The following FNIP2 variants were observed in gnomAD, a reference collection of about 807,000 sequenced individuals.
The protein encoded by FNIP2 is folliculin interacting protein 2.
Under a neutral mutation model 108.7 loss-of-function variants are expected in FNIP2, and 32 were observed. The ratio of observed to expected loss-of-function variants is 0.29; its 90% CI spans 0.22 to 0.40. The LOEUF (loss-of-function observed/expected upper bound fraction) is 0.40. FNIP2 is among the 10% of genes least tolerant of loss of function. The pLI is 1.00. For missense variants in FNIP2, 1,202 were observed against 1,381.6 expected, an observed-to-expected ratio of 0.87 and a Z score of 2.06; for synonymous variants, 480 against 496.7, an observed-to-expected ratio of 0.97 and a Z score of 0.45.
chr4:158,860,938 G>A (rs1173810238), intron 10 of FNIP2, among the ~76,000 whole-genome samples: 1 of 152,010 alleles, frequency 6.6e-6, no homozygotes, highest in Non-Finnish European at 1.5e-5. Flanking sequence ...ACAGGTATGA[G>A]CCACCACGCC....
intron 7 of FNIP2, among the ~76,000 whole-genome samples, chr4:158,849,300 G>A (rs997751149): frequency 6.6e-6 from 1 of 152,272 alleles, no homozygotes; most frequent in Admixed American, 6.5e-5. Flanking sequence ...AGGAGGGGGA[G>A]CAGGAGAAAG....
At chr4:158,860,654 C>CTTTTTTTT (rs34208761) in intron 10 of FNIP2, among the ~76,000 whole-genome samples, 4 of 121,104 alleles carry the variant, frequency 3.3e-5, no homozygotes, top group Non-Finnish European at 5.1e-5. Flanking sequence ...CTGGGTCCCA[C>CTTTTTTTT]TTTTTTTTTT....
chr4:158,803,444 A>T (rs1776829780), intron 1 of FNIP2, among the ~76,000 whole-genome samples: 1 of 152,228 alleles, frequency 6.6e-6, no homozygotes, highest in African/African-American at 2.4e-5. Context: ...AGCATAAAAG[A>T]TCTACACATA....
chr4:158,891,337 T>G, intron 14 of FNIP2, 109 bp from the exon 15 acceptor site: 1 of 1,005,854 alleles, frequency 9.9e-7, no homozygotes. Flanking sequence ...TATCCATAAC[T>G]GCCTGGCTGT....
chr4:158,770,796 CA>C (rs1775672891), intron 1 of FNIP2, among the ~76,000 whole-genome samples: 1 of 152,140 alleles, frequency 6.6e-6, no homozygotes, highest in African/African-American at 2.4e-5. Flanking sequence ...ATCAGGGGTA[CA>C]AAGCCTGGAG....
chr4:158,783,613 CT>C (rs1776122989), intron 1 of FNIP2, among the ~76,000 whole-genome samples: 4 of 152,188 alleles, frequency 2.6e-5, no homozygotes, highest in Admixed American at 2.6e-4. Context: ...ATCTTTTTTT[CT>C]TTTTTGCTTG....
In FNIP2 at chr4:158,772,758, G is replaced by A. The variant is rs1019308079; in HGVS notation, c.107+3439G>A. On this transcript the variant is annotated intron_variant, in intron 1 of 16. Coordinates refer to ENST00000264433, the MANE Select transcript of FNIP2 (RefSeq NM_020840.3). Reference sequence around the variant, plus strand: ...GATGCCTCTGTGCTTGTGGCTTGGCGCTCTACCTGTATAAATCCAGGCAGG... The same window carrying A: ...GATGCCTCTGTGCTTGTGGCTTGGCACTCTACCTGTATAAATCCAGGCAGG... Among the ~76,000 whole-genome samples the A allele has an allele frequency of 3.9e-5, 6 of 152,128 alleles. No homozygotes were observed. The East Asian group carries it at 1.2e-3, about 29-fold the overall frequency.
chr4:158,891,389 T>C, intron 14 of FNIP2, 57 bp from the exon 15 acceptor site: 2 of 1,491,752 alleles, frequency 1.3e-6, no homozygotes, highest in Non-Finnish European at 1.8e-6. Context: ...TAGTGAAACT[T>C]TGACCTTTTG....
rs1396868720 is a variant in FNIP2, at chr4:158,868,110, T to C, written c.1474T>C (p.Tyr492His). ...NPLWAQLGDLYGAIGSPVRLT... is the reference protein window; with the variant it reads ...NPLWAQLGDLHGAIGSPVRLT... The stretch of plus-strand genomic sequence containing the variant: ...CCACCTTTGCTCTCTAGGTGATCTT[T>C]ACGGAGCCATAGGCTCTCCAGTGAG... The change falls in exon 13 of 17, where the codon TAC becomes CAC. Residue 492 changes from tyrosine to histidine, a missense_variant. Tyr to His is a moderately conservative substitution (Grantham distance 83). Coordinates refer to ENST00000264433, the MANE Select transcript of FNIP2 (RefSeq NM_020840.3). The surrounding 1 kb of genome is among the most constrained non-coding windows in gnomAD (Gnocchi z 4.6). 6.2e-7 allele frequency: 1 copy of C among 1,613,724 alleles called. No homozygotes were observed. Among genetic ancestry groups the C allele is most frequent in the Admixed American group, 1.7e-5 (1 of 60,024 alleles).
intron 8 of FNIP2, among the ~76,000 whole-genome samples, chr4:158,855,402 G>A (rs1424577283): frequency 2.0e-5 from 3 of 152,110 alleles, no homozygotes; most frequent in Non-Finnish European, 4.4e-5. Flanking sequence ...GCTGAACACC[G>A]AGAACATGAG....
chr4:158,854,748 A>G (rs1449875411), intron 8 of FNIP2, among the ~76,000 whole-genome samples: 1 of 152,212 alleles, frequency 6.6e-6, no homozygotes, highest in Non-Finnish European at 1.5e-5. Flanking sequence ...AATATGATCT[A>G]ATGGTAATAG....
rs1775727575 is a variant in FNIP2, at chr4:158,772,464, G to A, written c.107+3145G>A. 2.6e-5 allele frequency among the ~76,000 whole-genome samples: 4 copies of A among 152,260 alleles called. No homozygotes were observed. In the South Asian group the frequency reaches 8.3e-4, roughly 32 times the overall value. ...TTCAAACCCCTAAAATGTGTATTTA[G>A]CAGGGAGGTGAAAAGACCTTGGGCT... On this transcript the variant is annotated intron_variant, in intron 1 of 16. Transcript: ENST00000264433.
At chr4:158,809,381 C>G (rs1777146872) in intron 1 of FNIP2, among the ~76,000 whole-genome samples, 2 of 152,206 alleles carry the variant, frequency 1.3e-5, no homozygotes, top group Non-Finnish European at 2.9e-5. Flanking sequence ...ATCACTTGAA[C>G]CTGGGATGCA....
At chr4:158,806,962 G>T (rs973813107) in intron 1 of FNIP2, among the ~76,000 whole-genome samples, 1 of 152,082 alleles carries the variant, frequency 6.6e-6, no homozygotes, top group South Asian at 2.1e-4. Context: ...TGTCTAAAAA[G>T]AATAGCATAC....
Position 158,906,096 on chromosome 4 carries a change from G to A in FNIP2, c.*1552G>A, listed in dbSNP as rs1231746091. On this transcript the variant is annotated 3_prime_UTR_variant, in exon 17 of 17. Transcript: ENST00000264433. ...TTTTGTAAGATCTTTATCATTTTAT[G>A]TCATTCATTGAAAATTGAAATGTTC... 2.0e-5 allele frequency: 3 copies of A among 152,126 alleles called. No individual in the cohort carries two copies. The highest frequency in any genetic ancestry group is 4.8e-5 in the African/African-American group (2 of 41,430). 9.4% of individuals were successfully genotyped at this position (152,126 alleles called of 1,614,324 possible). A position where few individuals can be genotyped will look rare whatever the true frequency, so the allele number is the denominator to read the frequency against.
intron 1 of FNIP2, among the ~76,000 whole-genome samples, chr4:158,804,681 C>T (rs146194141): frequency 1.3e-4 from 20 of 152,130 alleles, no homozygotes; most frequent in South Asian, 2.1e-4. Context: ...CAAAGCACTG[C>T]GATTATAGGC....
chr4:158,818,116 A>G (rs1384766234), intron 1 of FNIP2, among the ~76,000 whole-genome samples: 2 of 152,214 alleles, frequency 1.3e-5, no homozygotes, highest in East Asian at 1.9e-4. Flanking sequence ...TCCTCTCTGT[A>G]CTTTGTAGTT....
intron 14 of FNIP2, among the ~76,000 whole-genome samples, chr4:158,873,650 T>C (rs2126720017): frequency 6.6e-6 from 1 of 152,368 alleles, no homozygotes; most frequent in Middle Eastern, 3.4e-3. Flanking sequence ...AACTACTTCA[T>C]CAATTTTCAT....
intron 7 of FNIP2, among the ~76,000 whole-genome samples, chr4:158,841,690 C>T (rs757940127): frequency 1.1e-4 from 16 of 152,182 alleles, no homozygotes; most frequent in African/African-American, 2.7e-4. Context: ...CTAACTTCCC[C>T]GGGAGGCTGT....
Sources: allele counts gnomAD v4.1 joint callset (sites outside exome capture counted in the v4.1 genomes callset), GRCh38; gene constraint gnomAD v4.1.1; non-coding constraint Gnocchi (gnomAD v3.1); transcripts MANE v1.5; gene names NCBI Gene and HGNC (gene_info 2026-07-23, HGNC 2026-07-21).